The following CATSPERD variants were observed in gnomAD, a reference collection of about 807,000 sequenced individuals.
CATSPERD encodes the protein catsper channel auxiliary subunit delta.
CATSPERD carries 86 observed loss-of-function variants against 98.1 expected under a neutral mutation model. The ratio of observed to expected loss-of-function variants is 0.88; its 90% CI spans 0.74 to 1.05. CATSPERD has a LOEUF of 1.05. Among genes scored for constraint, CATSPERD ranks in the 50% least tolerant of loss-of-function variants. The pLI, the probability that CATSPERD is intolerant of heterozygous loss-of-function variation, is 0.00. For missense variants in CATSPERD, 995 were observed against 1,005.7 expected, an observed-to-expected ratio of 0.99 and a Z score of 0.14; for synonymous variants, 394 against 390.2, an observed-to-expected ratio of 1.01 and a Z score of -0.12.
intron 7 of CATSPERD, among the ~76,000 whole-genome samples, chr19:5,743,606 G>GAAAAAAAA (rs58070165): frequency 0.041 from 5,728 of 139,932 alleles, 421 homozygotes; most frequent in African/African-American, 0.13. Context: ...CTCAAAAAAA[G>GAAAAAAAA]AAAAAAAGAA....
At chr19:5,742,414 G>T (rs892670369) in intron 7 of CATSPERD, among the ~76,000 whole-genome samples, 1 of 152,108 alleles carries the variant, frequency 6.6e-6, no homozygotes, top group African/African-American at 2.4e-5. Flanking sequence ...AAGAGGAGAG[G>T]TTACCGCAGA....
intron 3 of CATSPERD, among the ~76,000 whole-genome samples, chr19:5,728,086 G>A (rs949685203): frequency 4.7e-5 from 7 of 150,032 alleles, no homozygotes; most frequent in South Asian, 2.1e-4. Context: ...TGGGCCAGGC[G>A]CAGTGGCTAA....
At chr19:5,762,139 C>A (rs1295651292) in intron 15 of CATSPERD, among the ~76,000 whole-genome samples, 3 of 141,780 alleles carry the variant, frequency 2.1e-5, no homozygotes, top group Non-Finnish European at 4.5e-5. Context: ...TCACTGGTCA[C>A]TGCAACCTCC....
In CATSPERD at chr19:5,763,847, C is replaced by CTTTTTTT. The variant is rs56352544; in HGVS notation, c.1506+566_1506+572dup. Among the ~76,000 whole-genome samples the CTTTTTTT allele has an allele frequency of 2.4e-3, 151 of 62,124 alleles. 32 individuals carry two copies. Among genetic ancestry groups the CTTTTTTT allele is most frequent in the South Asian group, 7.4e-3 (12 of 1,626 alleles). 40.8% of individuals were successfully genotyped at this position (62,124 alleles called of 152,430 possible). A position where few individuals can be genotyped will look rare whatever the true frequency, so the allele number is the denominator to read the frequency against. ...TGTTGGCCAGGCTGGTCTTGAACTC[C>CTTTTTTT]TTTTTTTTTTTTTTTTTTGACATGG... On this transcript the variant is annotated intron_variant, in intron 16 of 21. Transcript: ENST00000381624.
In CATSPERD at chr19:5,728,760, G is replaced by A. The variant is rs542225026; in HGVS notation, c.204-1112G>A. 4.7e-5 allele frequency among the ~76,000 whole-genome samples: 7 copies of A among 150,280 alleles called. No individual in the cohort carries two copies. The East Asian group carries it at 9.9e-4, about 21-fold the overall frequency. ...GTCACCCAGGCTGCAATGCAGTGGCGCAATCTCGGCTCACTGCAACCTCCG... is the reference window on the plus strand; with the variant it reads ...GTCACCCAGGCTGCAATGCAGTGGCACAATCTCGGCTCACTGCAACCTCCG... On this transcript the variant is annotated intron_variant, in intron 3 of 21. Coordinates refer to ENST00000381624, the MANE Select transcript of CATSPERD (RefSeq NM_152784.4).
chr19:5,775,481 C>CA (rs35784220), intron 20 of CATSPERD, among the ~76,000 whole-genome samples: 2,717 of 102,812 alleles, frequency 0.026, 67 homozygotes, highest in African/African-American at 0.068. Context: ...ACTAAAAATA[C>CA]AAAAAAAAAA....
Position 5,731,560 on chromosome 19 carries a change from GTTTTTTT to G in CATSPERD, c.276+1636_276+1642del, listed in dbSNP as rs67541709. On this transcript the variant is annotated intron_variant, in intron 4 of 21. Coordinates refer to ENST00000381624, the MANE Select transcript of CATSPERD (RefSeq NM_152784.4). ...TTTCTCCTAAAAGCGACACTTAACA[GTTTTTTT>G]TTTTTTTTTTTTTTTTTTTGAGACG... 1.7e-3 allele frequency among the ~76,000 whole-genome samples: 126 copies of G among 75,728 alleles called. 1 individual carries two copies. The highest frequency in any genetic ancestry group is 5.3e-3 in the African/African-American group (106 of 20,190). 49.7% of individuals were successfully genotyped at this position (75,728 alleles called of 152,430 possible).
At chr19:5,744,543 G>C (rs781207904) in intron 8 of CATSPERD, 33 bp downstream of exon 8, 12 of 1,511,370 alleles carry the variant, frequency 7.9e-6, no homozygotes, top group South Asian at 3.5e-5. Context: ...ACTACTCAGA[G>C]GACCTTTGCC....
intron 21 of CATSPERD, among the ~76,000 whole-genome samples, chr19:5,776,750 T>C (rs1599605852): frequency 6.6e-6 from 1 of 152,092 alleles, no homozygotes; most frequent in South Asian, 2.1e-4. Context: ...GGCAGGTGCC[T>C]TTAATCTCAG....
At chr19:5,737,098 G>C (rs780259172) in intron 5 of CATSPERD, 40 bp from the exon 6 acceptor site, 1 of 1,368,798 alleles carries the variant, frequency 7.3e-7, no homozygotes, top group South Asian at 1.2e-5. Flanking sequence ...CCAAACTTCA[G>C]GGAACTCATA....
At chr19:5,763,755 C>T (rs2056485862) in intron 16 of CATSPERD, among the ~76,000 whole-genome samples, 1 of 150,168 alleles carries the variant, frequency 6.7e-6, no homozygotes, top group Non-Finnish European at 1.5e-5. Context: ...AAAGCTCCCA[C>T]ACTTACAGGC....
chr19:5,751,927 C>A, intron 12 of CATSPERD, 104 bp downstream of exon 12: 2 of 1,109,288 alleles, frequency 1.8e-6, no homozygotes, highest in Non-Finnish European at 2.5e-6. Context: ...GCTCAGGAGG[C>A]TGAGGCTGGA....
intron 7 of CATSPERD, among the ~76,000 whole-genome samples, chr19:5,740,141 C>T (rs2055929315): frequency 2.0e-5 from 3 of 150,556 alleles, no homozygotes; most frequent in Non-Finnish European, 3.0e-5. Flanking sequence ...ATGGGCTGGG[C>T]GTGGTGGCAC....
chr19:5,744,515 G>A lies in CATSPERD; in HGVS notation c.657+5G>A, dbSNP rs559958452. Reference sequence around the variant, plus strand: ...CTTGTAGTGAATCAAGGGAAGGTAAGTAACTGCAGAGGGAAGAACTACTCA... The same window carrying A: ...CTTGTAGTGAATCAAGGGAAGGTAAATAACTGCAGAGGGAAGAACTACTCA... On this transcript the variant is annotated splice_donor_5th_base_variant and intron_variant, in intron 8 of 21. Coordinates refer to ENST00000381624, the MANE Select transcript of CATSPERD (RefSeq NM_152784.4). 1.2e-6 allele frequency: 2 copies of A among 1,609,318 alleles called. No individual in the cohort carries two copies. The highest frequency in any genetic ancestry group is 1.3e-5 in the African/African-American group (1 of 74,874).
intron 19 of CATSPERD, among the ~76,000 whole-genome samples, chr19:5,771,400 C>G (rs1343896333): frequency 2.6e-5 from 4 of 152,156 alleles, no homozygotes; most frequent in Non-Finnish European, 5.9e-5. Context: ...AGGTGCCCAC[C>G]ACCACACCCA....
chr19:5,761,085 G>A (rs532452445), intron 15 of CATSPERD, among the ~76,000 whole-genome samples: 1 of 151,752 alleles, frequency 6.6e-6, no homozygotes, highest in African/African-American at 2.4e-5. Context: ...TGCCCAGGCT[G>A]GAGTGCAATG....
Position 5,720,640 on chromosome 19 carries a change from G to C in CATSPERD, c.-98G>C. ...CGGAGGCCCGCTCCCGGGACTCATT[G>C]ATGCGCATGCGCAGGGCTTCAGCCT... On this transcript the variant is annotated 5_prime_UTR_variant, in exon 1 of 22. Coordinates refer to ENST00000381624, the MANE Select transcript of CATSPERD (RefSeq NM_152784.4). The C allele has an allele frequency of 1.6e-6, 2 of 1,221,246 alleles. No individual in the cohort carries two copies. Among genetic ancestry groups the C allele is most frequent in the African/African-American group, 1.5e-5 (1 of 67,154 alleles). The allele number at this position is 1,221,246 out of a possible 1,614,324, so 75.7% of individuals were successfully genotyped here. A position where few individuals can be genotyped will look rare whatever the true frequency, so the allele number is the denominator to read the frequency against.
chr19:5,752,927 C>G (rs1037545306), intron 12 of CATSPERD, among the ~76,000 whole-genome samples: 4 of 151,390 alleles, frequency 2.6e-5, no homozygotes, highest in South Asian at 4.2e-4. Context: ...ACTCAGGAGG[C>G]TGAGGCAGGA....
At chr19:5,757,491 T>C (rs960146651) in intron 13 of CATSPERD, among the ~76,000 whole-genome samples, 1 of 151,466 alleles carries the variant, frequency 6.6e-6, no homozygotes, top group Non-Finnish European at 1.5e-5. Context: ...GAGATGGGGT[T>C]TCTCCATGTT....
Sources: allele counts gnomAD v4.1 joint callset (sites outside exome capture counted in the v4.1 genomes callset), GRCh38; gene constraint gnomAD v4.1.1; transcripts MANE v1.5; gene names NCBI Gene and HGNC (gene_info 2026-07-23, HGNC 2026-07-21).